SFXN5: variants seen among roughly 807,000 people sequenced by gnomAD.
SFXN5 encodes the protein sideroflexin-5.
A neutral mutation model predicts 50.2 loss-of-function variants in SFXN5; 43 were observed. The observed-to-expected ratio is 0.86, with a 90% confidence interval of 0.67 to 1.11. SFXN5 has a LOEUF of 1.11. Among genes scored for constraint, SFXN5 ranks in the 50% least tolerant of loss-of-function variants. The pLI is 0.00. For missense variants in SFXN5, 463 were observed against 454.1 expected (o/e 1.02, Z -0.18); for synonymous variants, 203 against 185.8 (o/e 1.09, Z -0.75).
intron 12 of SFXN5, among the ~76,000 whole-genome samples, chr2:72,963,637 G>C (rs1195412411): frequency 2.0e-5 from 3 of 152,162 alleles, no homozygotes; most frequent in Non-Finnish European, 2.9e-5. Context: ...AGAAAGGAAA[G>C]ACCTGGAGCC....
At chr2:73,029,439 T>A (rs937250252) in intron 3 of SFXN5, among the ~76,000 whole-genome samples, 14 of 152,120 alleles carry the variant, frequency 9.2e-5, no homozygotes, top group South Asian at 6.2e-4. Context: ...GTTTTTTTTT[T>A]AAAGGATTTA....
intron 7 of SFXN5, among the ~76,000 whole-genome samples, chr2:73,000,812 T>G (rs1047032137): frequency 3.9e-5 from 6 of 152,192 alleles, no homozygotes; most frequent in African/African-American, 1.4e-4. Context: ...CCACTGCCTT[T>G]GTCACACCAT....
At chr2:72,987,102 TG>T (rs1286216477) in intron 10 of SFXN5, among the ~76,000 whole-genome samples, 3 of 152,182 alleles carry the variant, frequency 2.0e-5, no homozygotes, top group Admixed American at 1.3e-4. Flanking sequence ...TAGTAATAGA[TG>T]TTTTTTGGGG....
intron 2 of SFXN5, among the ~76,000 whole-genome samples, chr2:73,052,399 GC>G (rs746510753): frequency 7.9e-5 from 12 of 151,000 alleles, no homozygotes; most frequent in South Asian, 6.3e-4. Flanking sequence ...TGTGATGAGT[GC>G]ATATTGGTAC....
chr2:73,029,098 A>C (rs1327975364), intron 3 of SFXN5, among the ~76,000 whole-genome samples: 1 of 152,158 alleles, frequency 6.6e-6, no homozygotes, highest in Non-Finnish European at 1.5e-5. Context: ...TTGTGGGTGG[A>C]AATGACGTTC....
At chr2:72,999,950 G>C (rs555513217) in intron 8 of SFXN5, among the ~76,000 whole-genome samples, 21 of 152,114 alleles carry the variant, frequency 1.4e-4, no homozygotes, top group African/African-American at 5.1e-4. Context: ...GGCTCTGGGG[G>C]GGAGTTACCA....
chr2:73,058,384 G>A, intron 2 of SFXN5, 144 bp downstream of exon 2: 1 of 681,938 alleles, frequency 1.5e-6, no homozygotes, highest in South Asian at 1.7e-5. Context: ...GCTACAGGTA[G>A]AGAGAATTTG....
chr2:72,958,586 T>C (rs1673359903), intron 13 of SFXN5, among the ~76,000 whole-genome samples: 2 of 152,098 alleles, frequency 1.3e-5, no homozygotes, highest in Admixed American at 6.5e-5. Context: ...TATAAACACA[T>C]GGGTGACTCT....
At chr2:72,958,132 G>A (rs60947929) in intron 13 of SFXN5, among the ~76,000 whole-genome samples, 1 of 152,004 alleles carries the variant, frequency 6.6e-6, no homozygotes, top group Non-Finnish European at 1.5e-5. Flanking sequence ...TGAATGGTAG[G>A]CATCTCCCCA....
chr2:72,988,335 A>C lies in SFXN5; in HGVS notation c.548T>G (p.Val183Gly). 6.2e-7 allele frequency: 1 copy of C among 1,613,874 alleles called. No individual in the cohort carries two copies. Among genetic ancestry groups the C allele is most frequent in the Non-Finnish European group, 8.5e-7 (1 of 1,179,832 alleles). ...GAACTTGTTGGCTTTCTGAACCAGG[A>C]CATTAAGGCCCACCTTTGAAAGAAA... ...SAVSIAVGLN[V>G]LVQKANKFTP... The change falls in exon 10 of 14, where the codon GTC (valine) becomes GGC (glycine). Residue 183 changes from valine (V) to glycine (G), a missense_variant. Val to Gly is a moderately radical substitution (Grantham distance 109, BLOSUM62 -3). Transcript: ENST00000272433.
chr2:72,979,827 CAT>C (rs1421503474), intron 10 of SFXN5, among the ~76,000 whole-genome samples: 2 of 152,058 alleles, frequency 1.3e-5, no homozygotes, highest in African/African-American at 2.4e-5. Context: ...TTTATATAGA[CAT>C]ATTTATACAC....
chr2:72,955,637 T>C (rs1673008974), intron 13 of SFXN5, among the ~76,000 whole-genome samples: 2 of 152,232 alleles, frequency 1.3e-5, no homozygotes, highest in African/African-American at 4.8e-5. Flanking sequence ...TGCTCCCAGG[T>C]AGGGAACACC....
chr2:73,052,704 A>G (rs1681537523), intron 2 of SFXN5, among the ~76,000 whole-genome samples: 1 of 152,170 alleles, frequency 6.6e-6, no homozygotes, highest in Admixed American at 6.5e-5. Flanking sequence ...TTCGGTCCAT[A>G]ATTAAGAGTA....
At chr2:73,020,380 GTCAGTTAGGCGGGAGGCA>G in intron 5 of SFXN5, 116 bp from the exon 6 acceptor site, 1 of 984,370 alleles carries the variant, frequency 1.0e-6, no homozygotes. Flanking sequence ...AGGGGCTCAG[GTCAGTTAGGCGGGAGGCA>G]TCTCCTATCT....
At chr2:73,071,560 C>T (rs899694990) in intron 1 of SFXN5, 44 bp downstream of exon 1, 1 of 1,584,488 alleles carries the variant, frequency 6.3e-7, no homozygotes, top group East Asian at 2.3e-5. Flanking sequence ...TGCTCGTCCT[C>T]TCTTTGCCAC....
intron 6 of SFXN5, among the ~76,000 whole-genome samples, chr2:73,002,632 A>G (rs1674043353): frequency 6.6e-6 from 1 of 152,266 alleles, no homozygotes; most frequent in African/African-American, 2.4e-5. Flanking sequence ...CCCCAGCAGC[A>G]TTAGTAAATC....
In SFXN5 at chr2:72,953,924, A is replaced by G. The variant is rs1038149046; in HGVS notation, c.945+7207T>C. Among the ~76,000 whole-genome samples the G allele has an allele frequency of 1.3e-5, 2 of 152,190 alleles. No homozygotes were observed. The highest frequency in any genetic ancestry group is 4.8e-5 in the African/African-American group (2 of 41,452). On this transcript the variant is annotated intron_variant, in intron 13 of 13. Transcript: ENST00000272433. This position sits in a 1 kb window ranked among gnomAD's most constrained non-coding sequence, Gnocchi z 4.1. ...TCAGGGCTGGTAAGAGGGTAGAGAT[A>G]GTGGAGGTTCTGGTACCCACTGAGG...
chr2:73,068,919 G>A (rs967060704), intron 1 of SFXN5, among the ~76,000 whole-genome samples: 1 of 151,850 alleles, frequency 6.6e-6, no homozygotes, highest in African/African-American at 2.4e-5. Context: ...ACAAGAGTTG[G>A]GGGTAGAGGA....
chr2:73,037,949 A>C (rs1426359515), intron 3 of SFXN5, among the ~76,000 whole-genome samples: 1 of 152,260 alleles, frequency 6.6e-6, no homozygotes, highest in East Asian at 1.9e-4. Context: ...AGGCCCCAGA[A>C]AGGAAAATTT....
Sources: gnomAD v4.1 joint callset for allele counts (sites outside exome capture counted in the v4.1 genomes callset) on GRCh38, gnomAD v4.1.1 for gene constraint, Gnocchi (gnomAD v3.1) non-coding constraint, MANE v1.5 for transcripts, NCBI Gene and HGNC (gene_info 2026-07-23, HGNC 2026-07-21) for gene names.